The following LPAR1 variants were observed in gnomAD, a reference collection of about 807,000 sequenced individuals.
LPAR1 encodes LPA receptor 1.
A neutral mutation model predicts 23.8 loss-of-function variants in LPAR1; 5 were observed. The ratio of observed to expected loss-of-function variants is 0.21; its 90% CI spans 0.11 to 0.44. The LOEUF (loss-of-function observed/expected upper bound fraction) is 0.44. Ranked by LOEUF, LPAR1 falls within the 20% of genes least tolerant of loss-of-function variation. The probability of loss-of-function intolerance (pLI) is 0.99; values close to 1 mark genes in which losing one functional copy is unlikely to be tolerated. For synonymous variants in LPAR1, 160 were observed against 164.7 expected (o/e 0.97, Z 0.22); for missense variants, 311 against 482.8 (o/e 0.64, Z 3.33).
chr9:111,029,933 T>C (rs1428527796), intron 2 of LPAR1, among the ~76,000 whole-genome samples: 1 of 150,018 alleles, frequency 6.7e-6, no homozygotes, highest in Non-Finnish European at 1.5e-5. Flanking sequence ...TGCACGCCTG[T>C]GGTCCCAGCT....
intron 2 of LPAR1, among the ~76,000 whole-genome samples, chr9:111,018,657 T>C (rs1456209275): frequency 1.3e-5 from 2 of 152,236 alleles, no homozygotes; most frequent in African/African-American, 2.4e-5. Context: ...TTCCTTCTTC[T>C]TCTTTATATT....
chr9:110,994,265 A>T (rs1284544272), intron 2 of LPAR1, among the ~76,000 whole-genome samples: 1 of 152,194 alleles, frequency 6.6e-6, no homozygotes, highest in African/African-American at 2.4e-5. Flanking sequence ...TATAATCAAG[A>T]GATCAAGGGT....
At chr9:110,899,577 G>A (rs2087879649) in intron 5 of LPAR1, among the ~76,000 whole-genome samples, 1 of 152,172 alleles carries the variant, frequency 6.6e-6, no homozygotes, top group Non-Finnish European at 1.5e-5. Flanking sequence ...GAGGAAGAAA[G>A]CAAGAGAAAG....
In LPAR1 at chr9:111,038,451, G is replaced by C. The variant is rs2097942172; in HGVS notation, c.-546C>G. The C allele has an allele frequency of 3.0e-6, 1 of 332,526 alleles. No homozygotes were observed. The highest frequency in any genetic ancestry group is 5.9e-6 in the Non-Finnish European group (1 of 168,854). The allele number at this position is 332,526 out of a possible 1,614,324, so 20.6% of individuals were successfully genotyped here. On this transcript the variant is annotated 5_prime_UTR_variant, in exon 1 of 6. Coordinates refer to ENST00000683809, the MANE Select transcript of LPAR1 (RefSeq NM_001351411.2). The surrounding 1 kb of genome is among the most constrained non-coding windows in gnomAD (Gnocchi z 4.4). The stretch of plus-strand genomic sequence containing the variant: ...CGGAGTCGCCACTCAGGGAGCGTCA[G>C]CCGCCAGTCGGCCCCTACTGCCCGG...
rs1183902398 is a variant in LPAR1 at position 110,875,205 on chromosome 9, G to C, written c.*216C>G. The C allele has an allele frequency of 6.7e-6, 3 of 451,060 alleles. No individual in the cohort carries two copies. Among genetic ancestry groups the C allele is most frequent in the Middle Eastern group, 5.7e-4 (1 of 1,766 alleles). The allele number at this position is 451,060 out of a possible 1,614,324, so 27.9% of individuals were successfully genotyped here. A position where few individuals can be genotyped will look rare whatever the true frequency, so the allele number is the denominator to read the frequency against. ...GAGCTCCAACTTCCTACTTTCAGAA[G>C]GGATGGGGATCAAGATGAGGGTTGT... On this transcript the variant is annotated 3_prime_UTR_variant, in exon 6 of 6. Coordinates refer to ENST00000683809, the MANE Select transcript of LPAR1 (RefSeq NM_001351411.2).
intron 4 of LPAR1, among the ~76,000 whole-genome samples, chr9:110,950,463 T>TAA (rs56274036): frequency 1.2e-4 from 15 of 122,012 alleles, no homozygotes; most frequent in Non-Finnish European, 1.2e-4. Context: ...AGACTCTGTC[T>TAA]AAAAAAAAAA....
At chr9:110,968,000 A>T (rs1404256174) in intron 4 of LPAR1, among the ~76,000 whole-genome samples, 1 of 152,172 alleles carries the variant, frequency 6.6e-6, no homozygotes, top group African/African-American at 2.4e-5. Context: ...TATTCCCAAA[A>T]TACGGTGAGA....
At chr9:110,921,238 T>C (rs1007393127) in intron 5 of LPAR1, among the ~76,000 whole-genome samples, 1 of 152,196 alleles carries the variant, frequency 6.6e-6, no homozygotes, top group Non-Finnish European at 1.5e-5. Context: ...CTAGCCACTG[T>C]ACTCCAGTAT....
chr9:111,004,215 A>T (rs914920876), intron 2 of LPAR1, among the ~76,000 whole-genome samples: 1 of 152,150 alleles, frequency 6.6e-6, no homozygotes, highest in Non-Finnish European at 1.5e-5. Context: ...CTAGTCTTCA[A>T]TTGGCCACAT....
chr9:111,024,969 T>A (rs559820867), intron 2 of LPAR1, among the ~76,000 whole-genome samples: 9 of 152,332 alleles, frequency 5.9e-5, no homozygotes, highest in Admixed American at 5.2e-4. Context: ...TTTGGGTTGG[T>A]TTCAAGTCTT....
intron 5 of LPAR1, among the ~76,000 whole-genome samples, chr9:110,889,170 G>T (rs1205832938): frequency 6.6e-6 from 1 of 152,102 alleles, no homozygotes; most frequent in African/African-American, 2.4e-5. Context: ...GACCATCCTG[G>T]CTAACAAGGT....
At chr9:111,025,183 C>T (rs925171456) in intron 2 of LPAR1, among the ~76,000 whole-genome samples, 1 of 152,120 alleles carries the variant, frequency 6.6e-6, no homozygotes, top group Non-Finnish European at 1.5e-5. Context: ...AAAAGCATTC[C>T]TATTTCTCCA....
At chr9:110,962,867 GGCAAGGTAC>G (rs1191652598) in intron 4 of LPAR1, among the ~76,000 whole-genome samples, 1 of 152,058 alleles carries the variant, frequency 6.6e-6, no homozygotes, top group Non-Finnish European at 1.5e-5. Context: ...GTCTTATTAA[GGCAAGGTAC>G]AGATCTTAAA....
At chr9:110,972,701 C>G (rs768460667) in intron 3 of LPAR1, among the ~76,000 whole-genome samples, 1 of 152,056 alleles carries the variant, frequency 6.6e-6, no homozygotes, top group Non-Finnish European at 1.5e-5. Context: ...AATCTCAGCT[C>G]TTTGGGAAGC....
At chr9:110,893,882 G>C (rs909476360) in intron 5 of LPAR1, among the ~76,000 whole-genome samples, 1 of 152,042 alleles carries the variant, frequency 6.6e-6, no homozygotes, top group Non-Finnish European at 1.5e-5. Context: ...ATGCTCCCTG[G>C]TCTAAGACGG....
chr9:110,964,634 T>C (rs2096131064), intron 4 of LPAR1, among the ~76,000 whole-genome samples: 1 of 150,590 alleles, frequency 6.6e-6, no homozygotes, highest in Non-Finnish European at 1.5e-5. Flanking sequence ...ACTGCCATAG[T>C]ACAAAGTTCT....
At chr9:110,930,921 C>CA (rs745445285) in intron 5 of LPAR1, among the ~76,000 whole-genome samples, 39 of 149,912 alleles carry the variant, frequency 2.6e-4, no homozygotes, top group East Asian at 2.5e-3. Flanking sequence ...GTCACAAAAA[C>CA]AAAAAAAAAG....
At chr9:110,970,633 A>G (rs886364187) in intron 4 of LPAR1, among the ~76,000 whole-genome samples, 7 of 152,126 alleles carry the variant, frequency 4.6e-5, no homozygotes, top group African/African-American at 1.7e-4. Context: ...AAAACACTAT[A>G]CTATATGAGG....
chr9:110,994,806 C>T (rs2096964680), intron 2 of LPAR1, among the ~76,000 whole-genome samples: 1 of 152,062 alleles, frequency 6.6e-6, no homozygotes, highest in Non-Finnish European at 1.5e-5. Flanking sequence ...ACATGACTAC[C>T]CCAGACACAT....
Sources: allele counts gnomAD v4.1 joint callset (sites outside exome capture counted in the v4.1 genomes callset), GRCh38; gene constraint gnomAD v4.1.1; non-coding constraint Gnocchi (gnomAD v3.1); transcripts MANE v1.5; gene names NCBI Gene and HGNC (gene_info 2026-07-23, HGNC 2026-07-21).